The following TMTC1 variants were observed in gnomAD, a reference collection of about 807,000 sequenced individuals.
TMTC1 encodes transmembrane O-mannosyltransferase targeting cadherins 1.
TMTC1 carries 73 observed loss-of-function variants against 104.8 expected under a neutral mutation model. The ratio of observed to expected loss-of-function variants is 0.70; its 90% CI spans 0.58 to 0.85. The LOEUF (loss-of-function observed/expected upper bound fraction) is 0.85, where lower values mean the gene tolerates loss of function less well. Ranked by LOEUF, TMTC1 falls within the 40% of genes least tolerant of loss-of-function variation. The pLI, the probability that TMTC1 is intolerant of heterozygous loss-of-function variation, is 0.00. For missense variants in TMTC1, 1,035 were observed against 1,096.1 expected (o/e 0.94, Z 0.79); for synonymous variants, 434 against 428.7 (o/e 1.01, Z -0.15).
At chr12:29,711,875 T>C (rs7963457) in intron 5 of TMTC1, among the ~76,000 whole-genome samples, 110,063 of 151,750 alleles carry the variant, frequency 0.73, 40,894 homozygotes, top group South Asian at 0.83. Context: ...AGCATGGTGG[T>C]GAGTGCCTGT....
intron 5 of TMTC1, among the ~76,000 whole-genome samples, chr12:29,747,549 C>T (rs1440998640): frequency 6.6e-6 from 1 of 152,174 alleles, no homozygotes; most frequent in Non-Finnish European, 1.5e-5. Context: ...TTGTCAACCT[C>T]ACACCAATGC....
intron 2 of TMTC1, among the ~76,000 whole-genome samples, chr12:29,765,777 T>A (rs1193694175): frequency 6.6e-6 from 1 of 152,218 alleles, no homozygotes; most frequent in African/African-American, 2.4e-5. Context: ...TGACAGCAGG[T>A]ACCAACTATT....
chr12:29,720,106 G>C (rs1644916654), intron 5 of TMTC1, among the ~76,000 whole-genome samples: 2 of 152,218 alleles, frequency 1.3e-5, no homozygotes, highest in South Asian at 2.1e-4. Context: ...TGGCAGAACA[G>C]AGGCCAAGGT....
chr12:29,702,729 C>T (rs1323424962), intron 5 of TMTC1, among the ~76,000 whole-genome samples: 2 of 152,174 alleles, frequency 1.3e-5, no homozygotes. Context: ...CACTCCGTTA[C>T]TGTAGACACT....
chr12:29,554,023 G>C (rs930530964), intron 10 of TMTC1, among the ~76,000 whole-genome samples: 1 of 152,166 alleles, frequency 6.6e-6, no homozygotes, highest in African/African-American at 2.4e-5. Flanking sequence ...ATTTTTGAAT[G>C]TAGCGCTATA....
intron 7 of TMTC1, among the ~76,000 whole-genome samples, chr12:29,597,571 C>G (rs1363978775): frequency 2.0e-5 from 3 of 151,774 alleles, no homozygotes; most frequent in Non-Finnish European, 2.9e-5. Context: ...CTTCCCTTCT[C>G]CACTGGCCCA....
upstream of TMTC1, chr12:29,784,194 C>G (rs1384814253): frequency 1.3e-5 from 2 of 152,744 alleles, no homozygotes; most frequent in East Asian, 3.9e-4. Context: ...CCCCCACGCC[C>G]CCGCCCCCAT....
At chr12:29,739,870 A>C (rs969901648) in intron 5 of TMTC1, among the ~76,000 whole-genome samples, 1 of 151,880 alleles carries the variant, frequency 6.6e-6, no homozygotes, top group Non-Finnish European at 1.5e-5. Flanking sequence ...CACCATACCC[A>C]GCTAATTTTT....
chr12:29,641,368 G>A (rs1785662417), intron 5 of TMTC1: 1 of 152,374 alleles, frequency 6.6e-6, no homozygotes, highest in Non-Finnish European at 1.5e-5. Context: ...CACTGGAACA[G>A]ACACTAGTAT....
At chr12:29,545,676 C>CACACACACACACACAGAG (rs1555167547) in intron 10 of TMTC1, among the ~76,000 whole-genome samples, 1 of 137,850 alleles carries the variant, frequency 7.3e-6, no homozygotes, top group African/African-American at 2.8e-5. Flanking sequence ...CACACACACA[C>CACACACACACACACAGAG]GGATAGAAAC....
chr12:29,683,416 CATT>C, intron 5 of TMTC1, among the ~76,000 whole-genome samples: 1 of 152,136 alleles, frequency 6.6e-6, no homozygotes, highest in Admixed American at 6.5e-5. Context: ...TTAGGATAAA[CATT>C]ATTATTCCAA....
chr12:29,672,170 A>T (rs568713309), intron 5 of TMTC1, among the ~76,000 whole-genome samples: 54 of 152,248 alleles, frequency 3.5e-4, no homozygotes, highest in Non-Finnish European at 6.5e-4. Flanking sequence ...CCATGATTTC[A>T]CCCAGGCAGT....
At chr12:29,510,007 C>T (rs1305912628) in intron 17 of TMTC1, among the ~76,000 whole-genome samples, 3 of 152,340 alleles carry the variant, frequency 2.0e-5, no homozygotes, top group African/African-American at 7.2e-5. Flanking sequence ...CAGATATACT[C>T]CATCTGAAAA....
chr12:29,778,538 G>A (rs1227530551), intron 1 of TMTC1, among the ~76,000 whole-genome samples: 1 of 152,142 alleles, frequency 6.6e-6, no homozygotes, highest in African/African-American at 2.4e-5. Context: ...GTCATGGCCA[G>A]GGAAGGAAAA....
intron 8 of TMTC1, among the ~76,000 whole-genome samples, chr12:29,582,731 C>A (rs1193192034): frequency 1.3e-5 from 2 of 151,974 alleles, no homozygotes; most frequent in African/African-American, 4.8e-5. Context: ...ATCAGGAAAC[C>A]AAGAAAAAAA....
intron 10 of TMTC1, among the ~76,000 whole-genome samples, chr12:29,540,760 C>T (rs1187762941): frequency 4.6e-5 from 7 of 151,988 alleles, no homozygotes; most frequent in African/African-American, 1.2e-4. Context: ...TTTCGGAGGC[C>T]GAGGCAGGTG....
rs1176332143 is a variant in TMTC1, at chr12:29,599,881, CATATATATGTGTATATATACATGTGT to C, written c.1250+4271_1250+4296del. ...ATTTTCAGGATGTCATTGAGTACACCATATATATGTGTATATATACATGTGTATATATATGTGTATATATATGTGTA... is the reference window on the plus strand; with the variant it reads ...ATTTTCAGGATGTCATTGAGTACACCATATATATGTGTATATATATGTGTA... On this transcript the variant is annotated intron_variant, in intron 7 of 17. Transcript: ENST00000539277. 2.7e-5 allele frequency among the ~76,000 whole-genome samples: 4 copies of C among 146,364 alleles called. No homozygotes were observed. In the East Asian group the frequency reaches 7.9e-4, roughly 29 times the overall value.
intron 5 of TMTC1, among the ~76,000 whole-genome samples, chr12:29,663,025 G>A (rs939131315): frequency 1.5e-4 from 23 of 152,152 alleles, no homozygotes; most frequent in African/African-American, 5.3e-4. Flanking sequence ...ACAACCCACG[G>A]GGATAGCTAC....
intron 17 of TMTC1, among the ~76,000 whole-genome samples, chr12:29,511,339 G>A (rs1205895294): frequency 6.6e-6 from 1 of 151,968 alleles, no homozygotes; most frequent in Non-Finnish European, 1.5e-5. Context: ...CATAAGAACA[G>A]GAATTTTTGT....
Sources: allele counts gnomAD v4.1 joint callset (sites outside exome capture counted in the v4.1 genomes callset), GRCh38; gene constraint gnomAD v4.1.1; transcripts MANE v1.5; gene names NCBI Gene and HGNC (gene_info 2026-07-23, HGNC 2026-07-21).